Variants in SDK1 observed in about 807,000 individuals in gnomAD.
The protein encoded by SDK1 is protein sidekick-1.
In SDK1, 157 loss-of-function variants were observed where a neutral mutation model predicts 245.5. That is an observed-to-expected ratio of 0.64 (90% CI 0.56 to 0.73). The LOEUF is 0.73. Among genes scored for constraint, SDK1 ranks in the 30% least tolerant of loss-of-function variants. SDK1 has a pLI of 0.00. For missense variants in SDK1, 3,583 were observed against 3,002.3 expected, an observed-to-expected ratio of 1.19 and a Z score of -4.52; for synonymous variants, 1,647 against 1,278.5, an observed-to-expected ratio of 1.29 and a Z score of -6.15.
intron 1 of SDK1, among the ~76,000 whole-genome samples, chr7:3,358,623 A>G (rs1780871793): frequency 1.3e-5 from 2 of 152,166 alleles, no homozygotes; most frequent in Admixed American, 6.5e-5. Flanking sequence ...AAGTGCTTTC[A>G]GGAATTACTA....
At chr7:3,850,306 A>G (rs2115101277) in intron 5 of SDK1, among the ~76,000 whole-genome samples, 1 of 152,350 alleles carries the variant, frequency 6.6e-6, no homozygotes, top group Non-Finnish European at 1.5e-5. Context: ...AGTACTAAGT[A>G]AATATATGGA....
In SDK1 at chr7:3,439,990, A is replaced by G. The variant is rs551288227; in HGVS notation, c.298+138106A>G. On this transcript the variant is annotated intron_variant, in intron 1 of 44. Coordinates refer to ENST00000404826, the MANE Select transcript of SDK1 (RefSeq NM_152744.4). ...ATAATTGAAATATAGTAAATGGGAAATATTTAAGATATATAATTTGATATG... is the reference window on the plus strand; with the variant it reads ...ATAATTGAAATATAGTAAATGGGAAGTATTTAAGATATATAATTTGATATG... Among the ~76,000 whole-genome samples, 14 of 152,336 alleles carry G rather than the reference A, an allele frequency of 9.2e-5. 1 individual carries two copies. In the South Asian group the frequency reaches 2.9e-3, roughly 32 times the overall value.
At chr7:3,385,370 T>C (rs1412531413) in intron 1 of SDK1, among the ~76,000 whole-genome samples, 1 of 152,166 alleles carries the variant, frequency 6.6e-6, no homozygotes, top group Non-Finnish European at 1.5e-5. Context: ...TTCATATATA[T>C]AGGGGAAGAA....
intron 43 of SDK1, among the ~76,000 whole-genome samples, chr7:4,242,925 A>G (rs1487893878): frequency 1.3e-5 from 2 of 152,238 alleles, no homozygotes; most frequent in African/African-American, 4.8e-5. Flanking sequence ...ACGCTCTGCC[A>G]GCCCCACAGG....
Position 3,967,289 on chromosome 7 carries a change from C to G in SDK1, c.1430-29C>G, listed in dbSNP as rs370916784. 2.6e-6 allele frequency: 4 copies of G among 1,560,832 alleles called. No homozygotes were observed. In the African/African-American group the frequency reaches 5.4e-5, roughly 21 times the overall value. ...ATGTGAGCCTCTCAGGAACAAGGCC[C>G]TGATCATTTCATTTACTCCTCTTCT... On this transcript the variant is annotated intron_variant, in intron 9 of 44. Transcript: ENST00000404826.
rs376434386 is a variant in SDK1 at position 4,208,269 on chromosome 7, G to A, written c.5385G>A (p.Gly1795=). 1.2e-6 allele frequency: 2 copies of A among 1,613,346 alleles called. No homozygotes were observed. The highest frequency in any genetic ancestry group is 2.2e-5 in the South Asian group (2 of 91,016). The change falls in exon 37 of 45, where the codon GGG becomes GGA. Residue 1795 remains glycine, a synonymous_variant. Transcript: ENST00000404826. ...GACCTAAGAGTGACCCCCAGCAGGGGCGCACCCACCAGGCCGGTAGGAGGA... is the reference window on the plus strand; with the variant it reads ...GACCTAAGAGTGACCCCCAGCAGGGACGCACCCACCAGGCCGGTAGGAGGA... ...GDGPKSDPQQ[G]RTHQAAPGAP...
At chr7:3,466,532 C>T (rs954118368) in intron 1 of SDK1, among the ~76,000 whole-genome samples, 10 of 149,658 alleles carry the variant, frequency 6.7e-5, no homozygotes, top group African/African-American at 2.2e-4. Context: ...GCAGTAAGCT[C>T]AGCCTTGCAC....
At chr7:4,061,142 T>C (rs1015906129) in intron 19 of SDK1, among the ~76,000 whole-genome samples, 3 of 152,160 alleles carry the variant, frequency 2.0e-5, no homozygotes, top group Non-Finnish European at 4.4e-5. Context: ...TTTGGTTCCA[T>C]ATGAACTTTA....
intron 1 of SDK1, among the ~76,000 whole-genome samples, chr7:3,609,574 G>A (rs1484764203): frequency 1.3e-5 from 2 of 151,812 alleles, no homozygotes; most frequent in African/African-American, 2.4e-5. Context: ...CTAATTTTTT[G>A]TATTTTCAGT....
intron 5 of SDK1, among the ~76,000 whole-genome samples, chr7:3,915,704 C>G (rs934586891): frequency 2.0e-5 from 3 of 152,148 alleles, no homozygotes; most frequent in African/African-American, 4.8e-5. Context: ...ACCAAGCACC[C>G]TCTGTGGCTG....
chr7:4,040,334 G>C (rs1256373388), intron 17 of SDK1, among the ~76,000 whole-genome samples: 1 of 152,168 alleles, frequency 6.6e-6, no homozygotes, highest in Admixed American at 6.5e-5. Context: ...AGTGTGCTCA[G>C]AGTCTGTAGT....
intron 1 of SDK1, among the ~76,000 whole-genome samples, chr7:3,413,952 G>A (rs954887460): frequency 3.3e-5 from 5 of 152,300 alleles, no homozygotes; most frequent in South Asian, 2.1e-4. Context: ...AAGCCTGGGT[G>A]ATGGATGAGA....
intron 4 of SDK1, among the ~76,000 whole-genome samples, chr7:3,691,731 C>T (rs1427682532): frequency 6.6e-6 from 1 of 152,010 alleles, no homozygotes; most frequent in African/African-American, 2.4e-5. Flanking sequence ...GGTGTGAATG[C>T]GTAGAAGTCA....
chr7:4,257,288 C>G (rs1170913196), intron 44 of SDK1, among the ~76,000 whole-genome samples: 1 of 152,194 alleles, frequency 6.6e-6, no homozygotes, highest in Non-Finnish European at 1.5e-5. Flanking sequence ...CCTTTAGAAA[C>G]TCTCGCAGTC....
chr7:4,258,101 A>G (rs930093834), intron 44 of SDK1, among the ~76,000 whole-genome samples: 4 of 152,178 alleles, frequency 2.6e-5, no homozygotes, highest in Admixed American at 2.6e-4. Flanking sequence ...AGACTACAGG[A>G]CTTTTAGATC....
chr7:4,014,509 C>G (rs1562670300), intron 16 of SDK1, among the ~76,000 whole-genome samples: 1 of 152,200 alleles, frequency 6.6e-6, no homozygotes, highest in South Asian at 2.1e-4. Context: ...GTCTGCACAT[C>G]AGCTCTCTGT....
At chr7:3,989,900 G>T (rs1422625106) in intron 14 of SDK1, among the ~76,000 whole-genome samples, 2 of 152,210 alleles carry the variant, frequency 1.3e-5, no homozygotes, top group Non-Finnish European at 2.9e-5. Context: ...GATGTGCAGA[G>T]GCTGTAAGTC....
chr7:3,607,576 C>T (rs920096661), intron 1 of SDK1, among the ~76,000 whole-genome samples: 4 of 152,128 alleles, frequency 2.6e-5, no homozygotes, highest in Non-Finnish European at 5.9e-5. Flanking sequence ...ATAATCAAAC[C>T]AATATCTAGA....
chr7:4,057,835 A>T (rs1386862064), intron 19 of SDK1, among the ~76,000 whole-genome samples: 1 of 152,218 alleles, frequency 6.6e-6, no homozygotes, highest in Admixed American at 6.5e-5. Context: ...AGACTACACT[A>T]CTGCTTCATC....
Sources: gnomAD v4.1 joint callset for allele counts (sites outside exome capture counted in the v4.1 genomes callset) on GRCh38, gnomAD v4.1.1 for gene constraint, MANE v1.5 for transcripts, NCBI Gene and HGNC (gene_info 2026-07-23, HGNC 2026-07-21) for gene names.